Variants in NTRK3 observed in about 807,000 individuals in gnomAD.
NTRK3 encodes NT-3 growth factor receptor.
In NTRK3, 24 loss-of-function variants were observed where a neutral mutation model predicts 91.7. The observed-to-expected ratio is 0.26, with a 90% confidence interval of 0.19 to 0.37. The LOEUF is 0.37. Ranked by LOEUF, NTRK3 falls within the 10% of genes least tolerant of loss-of-function variation. NTRK3 has a pLI of 1.00. For missense variants in NTRK3, 880 were observed against 1,068.9 expected (o/e 0.82, Z 2.46); for synonymous variants, 483 against 404.0 (o/e 1.20, Z -2.34).
At chr15:88,193,210 C>A (rs902162653) in intron 3 of NTRK3, among the ~76,000 whole-genome samples, 1 of 152,134 alleles carries the variant, frequency 6.6e-6, no homozygotes, top group Non-Finnish European at 1.5e-5. Flanking sequence ...CCCTGAGCAG[C>A]CCAGGGCCCT....
chr15:87,994,475 T>C (rs1040876595), intron 14 of NTRK3, among the ~76,000 whole-genome samples: 2 of 152,130 alleles, frequency 1.3e-5, no homozygotes, highest in Non-Finnish European at 2.9e-5. Flanking sequence ...AGCCAACAAA[T>C]GTCCAAAATT....
intron 14 of NTRK3, among the ~76,000 whole-genome samples, chr15:88,001,844 T>C (rs1447644407): frequency 1.3e-5 from 2 of 152,166 alleles, no homozygotes; most frequent in African/African-American, 4.8e-5. Context: ...CTATAGGTTT[T>C]AGGATCAGCA....
chr15:88,114,931 T>C (rs997244231), intron 13 of NTRK3, among the ~76,000 whole-genome samples: 3 of 152,228 alleles, frequency 2.0e-5, no homozygotes, highest in African/African-American at 7.2e-5. Context: ...ATTTAACTAG[T>C]CATTTATTGT....
intron 14 of NTRK3, among the ~76,000 whole-genome samples, chr15:87,948,926 A>G (rs2070831876): frequency 3.3e-5 from 5 of 152,116 alleles, no homozygotes; most frequent in Non-Finnish European, 7.3e-5. Context: ...TTCTTTTCAG[A>G]GTTTGACATT....
At chr15:88,109,997 A>G (rs1344387786) in intron 13 of NTRK3, among the ~76,000 whole-genome samples, 2 of 152,124 alleles carry the variant, frequency 1.3e-5, no homozygotes, top group Non-Finnish European at 2.9e-5. Flanking sequence ...ACCCTGTATG[A>G]TAAGAATTAT....
chr15:87,978,454 GA>G (rs1476362949), intron 14 of NTRK3: 4 of 228,706 alleles, frequency 1.7e-5, no homozygotes, highest in Non-Finnish European at 3.5e-5. Context: ...TAGGGGAAGA[GA>G]GCCAATCCCG....
exon 19 of NTRK3, chr15:87,871,423 T>A (rs2064824892): frequency 4.3e-6 from 1 of 230,542 alleles, no homozygotes; most frequent in African/African-American, 2.2e-5. Flanking sequence ...GAAAGAGCAA[T>A]CAATGATCAA....
At chr15:87,911,064 T>A (rs2067062641) in intron 17 of NTRK3, among the ~76,000 whole-genome samples, 2 of 152,098 alleles carry the variant, frequency 1.3e-5, no homozygotes, top group South Asian at 2.1e-4. Flanking sequence ...TAGGATAGAT[T>A]GTGGATTTTT....
chr15:88,140,511 C>T (rs970941007), intron 6 of NTRK3, among the ~76,000 whole-genome samples: 1 of 152,212 alleles, frequency 6.6e-6, no homozygotes, highest in Non-Finnish European at 1.5e-5. Flanking sequence ...ACTCCATTCA[C>T]TCTCAAACAA....
At chr15:88,206,818 A>G (rs1391725650) in intron 3 of NTRK3, among the ~76,000 whole-genome samples, 1 of 152,090 alleles carries the variant, frequency 6.6e-6, no homozygotes, top group Non-Finnish European at 1.5e-5. Context: ...CCCTGCAGCC[A>G]CAGCCATCTG....
At position 88,033,176 on chromosome 15, in the gene NTRK3, TTATATATATATATATATATA is replaced by T. The variant is rs149279639; in HGVS notation, c.1397-151_1397-132del. 1,736 of 195,440 alleles carry T rather than the reference TTATATATATATATATATATA, an allele frequency of 8.9e-3. 102 individuals carry two copies. Among genetic ancestry groups the T allele is most frequent in the Middle Eastern group, 0.016 (10 of 610 alleles). 12.1% of individuals were successfully genotyped at this position (195,440 alleles called of 1,614,324 possible). ...CTTTTTTTTACTTTTGGGGGGTGTG[TTATATATATATATATATATA>T]TATATATATATATATATATAAATTC... On this transcript the variant is annotated intron_variant, in intron 13 of 18. Transcript: ENST00000394480.
chr15:87,922,881 A>G (rs1175490686), intron 17 of NTRK3, among the ~76,000 whole-genome samples: 20 of 152,092 alleles, frequency 1.3e-4, no homozygotes, highest in Admixed American at 2.0e-4. Context: ...TCCTCCACCC[A>G]ATTCATAGGA....
chr15:88,038,012 C>T (rs1183301878), intron 13 of NTRK3, among the ~76,000 whole-genome samples: 1 of 152,220 alleles, frequency 6.6e-6, no homozygotes, highest in Non-Finnish European at 1.5e-5. Context: ...CACTGCCTCC[C>T]TGAAAGTGCA....
At chr15:87,927,753 CCAGA>C (rs1229877846) in intron 17 of NTRK3, 1 of 152,146 alleles carries the variant, frequency 6.6e-6, no homozygotes, top group Non-Finnish European at 1.5e-5. Context: ...CAGACCTTTA[CCAGA>C]CAATTAATTT....
At chr15:87,860,284 A>G (rs548185698) in exon 19 of NTRK3, 133 of 214,464 alleles carry the variant, frequency 6.2e-4, no homozygotes, top group Middle Eastern at 1.5e-3. Flanking sequence ...TGGTGATACC[A>G]TTAAATCATC....
At position 88,185,161 on chromosome 15, in the gene NTRK3, G is replaced by A. The variant is rs145864690; in HGVS notation, c.249-862C>T. ...CCCCAAGAGATCCCATGTTTAAGGAGGTTTATATCTAGCAAGCACACTACA... is the reference window on the plus strand; with the variant it reads ...CCCCAAGAGATCCCATGTTTAAGGAAGTTTATATCTAGCAAGCACACTACA... On this transcript the variant is annotated intron_variant, in intron 3 of 18. Coordinates refer to ENST00000394480, the Ensembl canonical transcript of NTRK3. Among the ~76,000 whole-genome samples, 9 of 152,280 alleles carry A rather than the reference G, an allele frequency of 5.9e-5. No individual in the cohort carries two copies. The East Asian group carries it at 1.7e-3, about 29-fold the overall frequency.
chr15:87,942,969 G>T (rs2070047011), intron 14 of NTRK3, among the ~76,000 whole-genome samples: 1 of 152,176 alleles, frequency 6.6e-6, no homozygotes, highest in South Asian at 2.1e-4. Flanking sequence ...GGGTTGCCAA[G>T]TTACTTGGGG....
At chr15:87,875,369 G>C (rs1056854506) in exon 19 of NTRK3, 1 of 231,352 alleles carries the variant, frequency 4.3e-6, no homozygotes, top group Non-Finnish European at 8.5e-6. Flanking sequence ...AGGCCCAGAG[G>C]TCGGCCCCAC....
chr15:87,902,761 A>T (rs1327784367), intron 17 of NTRK3, among the ~76,000 whole-genome samples: 1 of 152,214 alleles, frequency 6.6e-6, no homozygotes, highest in African/African-American at 2.4e-5. Flanking sequence ...TCGACTCTCA[A>T]GTTAGTTTCT....
Sources: allele counts gnomAD v4.1 joint callset (sites outside exome capture counted in the v4.1 genomes callset), GRCh38; gene constraint gnomAD v4.1.1; transcripts MANE v1.5; gene names NCBI Gene and HGNC (gene_info 2026-07-23, HGNC 2026-07-21).